The following MARCHF8 variants were observed in gnomAD, a reference collection of about 807,000 sequenced individuals.
The protein encoded by MARCHF8 is E3 ubiquitin-protein ligase MARCHF8.
MARCHF8 carries 40 observed loss-of-function variants against 51.6 expected under a neutral mutation model. That is an observed-to-expected ratio of 0.77 (90% CI 0.60 to 1.01). The LOEUF is 1.01. MARCHF8 is among the 50% of genes least tolerant of loss of function. The probability of loss-of-function intolerance (pLI) is 0.00; values close to 1 mark genes in which losing one functional copy is unlikely to be tolerated. For missense variants in MARCHF8, 685 were observed against 708.6 expected (o/e 0.97, Z 0.38); for synonymous variants, 263 against 280.3 (o/e 0.94, Z 0.62).
intron 3 of MARCHF8, among the ~76,000 whole-genome samples, chr10:45,487,156 C>T (rs894634421): frequency 3.9e-5 from 6 of 151,998 alleles, no homozygotes; most frequent in Non-Finnish European, 8.8e-5. Context: ...GAGAGATGTC[C>T]TTTTTCAAAA....
At chr10:45,537,908 T>C (rs1287919726), upstream of MARCHF8, among the ~76,000 whole-genome samples, 1 of 152,164 alleles carries the variant, frequency 6.6e-6, no homozygotes, top group Non-Finnish European at 1.5e-5. Flanking sequence ...TCGAGTATAT[T>C]AAAGCCATAG....
At chr10:45,550,224 A>G (rs2044179499) in intron 1 of MARCHF8, among the ~76,000 whole-genome samples, 1 of 152,180 alleles carries the variant, frequency 6.6e-6, no homozygotes, top group African/African-American at 2.4e-5. Context: ...AAGGTGCTCA[A>G]CTCTATTTCT....
chr10:45,533,252 C>A lies in MARCHF8; in HGVS notation c.-41G>T. On this transcript the variant is annotated 5_prime_UTR_variant, in exon 2 of 8. Transcript: ENST00000453424. ...GGTCGTCTTCTTCACAGAAGAGAGT[C>A]TCCACTGGTAGAGTCATTTTGGGCC... The A allele has an allele frequency of 6.3e-7, 1 of 1,575,936 alleles. No individual in the cohort carries two copies. Among genetic ancestry groups the A allele is most frequent in the Non-Finnish European group, 8.6e-7 (1 of 1,166,216 alleles).
chr10:45,468,567 A>G (rs1486050129), intron 3 of MARCHF8, among the ~76,000 whole-genome samples: 1 of 152,200 alleles, frequency 6.6e-6, no homozygotes, highest in Non-Finnish European at 1.5e-5. Flanking sequence ...CACAGGAATG[A>G]TCTGTTTGAG....
rs2044136030 is a variant in MARCHF8, at chr10:45,547,140, T to C, written c.-78-13851A>G. Among the ~76,000 whole-genome samples the C allele has an allele frequency of 4.6e-5, 7 of 152,036 alleles. No homozygotes were observed. In the South Asian group the frequency reaches 1.4e-3, roughly 31 times the overall value. On this transcript the variant is annotated intron_variant, in intron 1 of 6. Transcript: ENST00000319836. ...TAAAACAATAGTAAATAAGCAATGCTGAAAATAAGTGGAAAATAAAATCCA... is the reference window on the plus strand; with the variant it reads ...TAAAACAATAGTAAATAAGCAATGCCGAAAATAAGTGGAAAATAAAATCCA...
rs774055028 is a variant in MARCHF8, at chr10:45,533,248, G to A, written c.-37C>T. ...ATCTGGTCGTCTTCTTCACAGAAGAGAGTCTCCACTGGTAGAGTCATTTTG... is the reference window on the plus strand; with the variant it reads ...ATCTGGTCGTCTTCTTCACAGAAGAAAGTCTCCACTGGTAGAGTCATTTTG... On this transcript the variant is annotated 5_prime_UTR_variant, in exon 2 of 8. Coordinates refer to ENST00000453424, the MANE Select transcript of MARCHF8 (RefSeq NM_001282866.2). 1 of 1,582,738 alleles carries A rather than the reference G, an allele frequency of 6.3e-7. No individual in the cohort carries two copies. The highest frequency in any genetic ancestry group is 8.6e-7 in the Non-Finnish European group (1 of 1,169,196).
At chr10:45,503,356 T>A (rs940825376) in intron 2 of MARCHF8, among the ~76,000 whole-genome samples, 1 of 151,798 alleles carries the variant, frequency 6.6e-6, no homozygotes, top group East Asian at 1.9e-4. Context: ...GCCAACACGG[T>A]AAAACCCCGT....
At chr10:45,578,170 T>C (rs2044511163) in intron 1 of MARCHF8, among the ~76,000 whole-genome samples, 1 of 152,182 alleles carries the variant, frequency 6.6e-6, no homozygotes. Context: ...CAGATCTTGA[T>C]TTCCAAATAC....
chr10:45,526,188 AT>A (rs2043790854), intron 2 of MARCHF8, among the ~76,000 whole-genome samples: 1 of 152,154 alleles, frequency 6.6e-6, no homozygotes. Flanking sequence ...GCGAGTAGAT[AT>A]TCACCCTTCA....
intron 3 of MARCHF8, among the ~76,000 whole-genome samples, chr10:45,465,399 G>A (rs1387931791): frequency 6.6e-6 from 1 of 152,140 alleles, no homozygotes; most frequent in Admixed American, 6.5e-5. Flanking sequence ...CTAACTCCTT[G>A]ATACAAAGGA....
intron 3 of MARCHF8, among the ~76,000 whole-genome samples, chr10:45,464,949 TA>T (rs1842921512): frequency 6.6e-6 from 1 of 152,192 alleles, no homozygotes; most frequent in Non-Finnish European, 1.5e-5. Flanking sequence ...CTTGAAACTG[TA>T]AATTAAGAAA....
chr10:45,530,797 A>C (rs1178965134), intron 2 of MARCHF8, among the ~76,000 whole-genome samples: 3 of 152,152 alleles, frequency 2.0e-5, no homozygotes, highest in Non-Finnish European at 4.4e-5. Context: ...AATAATAACA[A>C]AAATGAAAAT....
At chr10:45,555,853 A>G (rs1342378900) in intron 1 of MARCHF8, among the ~76,000 whole-genome samples, 1 of 152,192 alleles carries the variant, frequency 6.6e-6, no homozygotes, top group South Asian at 2.1e-4. Flanking sequence ...GGACCCTCCA[A>G]GAGTTGTAAG....
Position 45,459,288 on chromosome 10 carries a change from G to T in MARCHF8, c.1270-21C>A, listed in dbSNP as rs1193016034. 1.9e-6 allele frequency: 3 copies of T among 1,612,110 alleles called. No homozygotes were observed. In the East Asian group the frequency reaches 6.7e-5, roughly 36 times the overall value. ...TCCCACTAGAAAGACAACACAGAGT[G>T]TGAGGCTCAGGCTTCTGGGGAAGGG... On this transcript the variant is annotated intron_variant, in intron 6 of 7. Transcript: ENST00000453424.
At chr10:45,517,333 C>T (rs897821257) in intron 2 of MARCHF8, among the ~76,000 whole-genome samples, 1 of 152,184 alleles carries the variant, frequency 6.6e-6, no homozygotes, top group East Asian at 1.9e-4. Flanking sequence ...GGATATTTGT[C>T]TCCACCAAAT....
At chr10:45,543,797 CAAAAAAAAA>C (rs35514763) in intron 1 of MARCHF8, among the ~76,000 whole-genome samples, 2 of 49,728 alleles carry the variant, frequency 4.0e-5, no homozygotes, top group Non-Finnish European at 7.3e-5. Context: ...GACTCCGTCT[CAAAAAAAAA>C]AAAAAAAAAA....
At chr10:45,488,145 G>C (rs1377998378) in intron 3 of MARCHF8, among the ~76,000 whole-genome samples, 3 of 152,128 alleles carry the variant, frequency 2.0e-5, no homozygotes, top group Admixed American at 6.5e-5. Flanking sequence ...CCACACCACA[G>C]GTGAGGAGAT....
chr10:45,591,008 C>A (rs1162078897), intron 1 of MARCHF8, among the ~76,000 whole-genome samples: 1 of 152,222 alleles, frequency 6.6e-6, no homozygotes, highest in Non-Finnish European at 1.5e-5. Context: ...TAATCTCCCC[C>A]ACCCTTAAGA....
At chr10:45,586,095 T>G (rs2044615511) in intron 1 of MARCHF8, among the ~76,000 whole-genome samples, 1 of 152,198 alleles carries the variant, frequency 6.6e-6, no homozygotes, top group African/African-American at 2.4e-5. Context: ...GCACCCATCT[T>G]AAGCATAATG....
Sources: allele counts gnomAD v4.1 joint callset (sites outside exome capture counted in the v4.1 genomes callset), GRCh38; gene constraint gnomAD v4.1.1; transcripts MANE v1.5; gene names NCBI Gene and HGNC (gene_info 2026-07-23, HGNC 2026-07-21).